Variants in P2RY14 observed in about 807,000 individuals in gnomAD.
P2RY14 encodes the protein purinergic receptor P2Y14.
Under a neutral mutation model 0.9 loss-of-function variants are expected in P2RY14, and 2 were observed. That is an observed-to-expected ratio of 2.16 (90% confidence interval 0.88 to 6.79). The LOEUF is 6.79. Among genes scored for constraint, P2RY14 ranks in the 30% most tolerant of loss-of-function variants. The probability of loss-of-function intolerance (pLI) is 0.05; values close to 1 mark genes in which losing one functional copy is unlikely to be tolerated. For synonymous variants in P2RY14, 158 were observed against 147.2 expected, an observed-to-expected ratio of 1.07 and a Z score of -0.53; for missense variants, 378 against 400.1, an observed-to-expected ratio of 0.94 and a Z score of 0.47.
intron 1 of P2RY14, among the ~76,000 whole-genome samples, chr3:151,266,796 A>G (rs1248797725): frequency 6.6e-6 from 1 of 152,208 alleles, no homozygotes; most frequent in Non-Finnish European, 1.5e-5. Context: ...CTAAGGTCAG[A>G]GCAAAAAAGT....
At chr3:151,231,141 G>A (rs1192093302) in intron 1 of P2RY14, among the ~76,000 whole-genome samples, 4 of 152,162 alleles carry the variant, frequency 2.6e-5, no homozygotes, top group East Asian at 1.9e-4. Context: ...GATATTAAAA[G>A]TACAGATTAC....
chr3:151,213,240 G>T lies in P2RY14; in HGVS notation c.*60C>A. The T allele has an allele frequency of 1.6e-6, 2 of 1,275,672 alleles. No individual in the cohort carries two copies. Among genetic ancestry groups the T allele is most frequent in the Non-Finnish European group, 2.2e-6 (2 of 913,218 alleles). 79.0% of individuals were successfully genotyped at this position (1,275,672 alleles called of 1,614,324 possible). ...GAGGGCACATATCTTATTGATTTCT[G>T]TTATGTAATTGAAGATGACAACATG... is the stretch of plus-strand genomic sequence containing the variant. On this transcript the variant is annotated 3_prime_UTR_variant, in exon 3 of 3. Transcript: ENST00000309170.
At chr3:151,242,275 G>C (rs1201390054) in intron 1 of P2RY14, among the ~76,000 whole-genome samples, 1 of 152,368 alleles carries the variant, frequency 6.6e-6, no homozygotes, top group South Asian at 2.1e-4. Context: ...GCCCACCACA[G>C]CTCAAGGAGG....
intron 1 of P2RY14, among the ~76,000 whole-genome samples, chr3:151,244,742 G>A (rs1035845157): frequency 4.6e-5 from 7 of 151,826 alleles, no homozygotes; most frequent in South Asian, 2.1e-4. Flanking sequence ...TCAAAAGCTA[G>A]CAGAAGGCAA....
intron 1 of P2RY14, among the ~76,000 whole-genome samples, chr3:151,250,583 A>G (rs1011409510): frequency 1.1e-4 from 17 of 152,306 alleles, no homozygotes; most frequent in African/African-American, 4.1e-4. Context: ...AGGTTCATGC[A>G]TTTTGTAGCA....
chr3:151,237,021 T>G (rs1178275476), intron 1 of P2RY14, among the ~76,000 whole-genome samples: 1 of 151,718 alleles, frequency 6.6e-6, no homozygotes, highest in Admixed American at 6.6e-5. Flanking sequence ...GCATGAATGT[T>G]AAACTTCAGG....
At chr3:151,226,391 A>G (rs1258957404) in intron 1 of P2RY14, among the ~76,000 whole-genome samples, 1 of 152,234 alleles carries the variant, frequency 6.6e-6, no homozygotes, top group Non-Finnish European at 1.5e-5. Context: ...GTAAACGTTT[A>G]CGTTACAAAT....
chr3:151,256,557 T>C (rs1737844536), intron 1 of P2RY14, among the ~76,000 whole-genome samples: 1 of 152,200 alleles, frequency 6.6e-6, no homozygotes, highest in African/African-American at 2.4e-5. Context: ...TGCTATTTTT[T>C]TCCTAATGTA....
At chr3:151,236,584 C>T (rs1454680898) in intron 1 of P2RY14, among the ~76,000 whole-genome samples, 1 of 152,162 alleles carries the variant, frequency 6.6e-6, no homozygotes, top group Non-Finnish European at 1.5e-5. Flanking sequence ...TCTCTGGATA[C>T]TTTTATTCCA....
At chr3:151,218,532 T>C (rs1331617123) in intron 2 of P2RY14, among the ~76,000 whole-genome samples, 1 of 152,182 alleles carries the variant, frequency 6.6e-6, no homozygotes, top group Non-Finnish European at 1.5e-5. Context: ...ATTCTAGAGA[T>C]CACATTTAAG....
intron 1 of P2RY14, among the ~76,000 whole-genome samples, chr3:151,242,943 C>A (rs1284795844): frequency 6.6e-6 from 1 of 151,264 alleles, no homozygotes; most frequent in Non-Finnish European, 1.5e-5. Context: ...AGCTGAAAAC[C>A]AAGGCTCGAG....
chr3:151,270,196 C>CGTGT (rs55920434), intron 1 of P2RY14: 15,694 of 129,536 alleles, frequency 0.12, 1,199 homozygotes, highest in Non-Finnish European at 0.13. Flanking sequence ...AGCAAGCTGT[C>CGTGT]GTGTGTGTGT....
intron 1 of P2RY14, chr3:151,270,196 C>CGCGT (rs1740638332): frequency 7.7e-6 from 1 of 129,646 alleles, no homozygotes; most frequent in Non-Finnish European, 1.5e-5. Flanking sequence ...AGCAAGCTGT[C>CGCGT]GTGTGTGTGT....
intron 1 of P2RY14, among the ~76,000 whole-genome samples, chr3:151,226,905 T>C (rs999816093): frequency 2.6e-5 from 4 of 152,214 alleles, no homozygotes; most frequent in Non-Finnish European, 5.9e-5. Flanking sequence ...CGTTAACCTA[T>C]AAATGGTGGA....
rs1207165608 is a variant in P2RY14 at position 151,213,601 on chromosome 3, A to C, written c.716T>G (p.Val239Gly). 1 of 1,614,160 alleles carries C rather than the reference A, an allele frequency of 6.2e-7. No homozygotes were observed. The highest frequency in any genetic ancestry group is 8.5e-7 in the Non-Finnish European group (1 of 1,180,016). The change falls in exon 3 of 3, where the codon GTG (valine) becomes GGG (glycine). Residue 239 changes from valine to glycine, a missense_variant. By Grantham distance (109) the Val-to-Gly change is moderately radical. Transcript: ENST00000309170. ...KKSSRNIFSI[V>G]FVFFVCFVPY... Reference sequence around the variant, plus strand: ...TACAAAACAGACAAAAAACACAAACACGATGCTGAATATGTTGCGGCTAGA... The same window carrying C: ...TACAAAACAGACAAAAAACACAAACCCGATGCTGAATATGTTGCGGCTAGA...
In P2RY14 at chr3:151,232,308, A is replaced by C. The variant is rs537008400; in HGVS notation, c.-132-12666T>G. On this transcript the variant is annotated intron_variant, in intron 1 of 2. Coordinates refer to ENST00000309170, the MANE Select transcript of P2RY14 (RefSeq NM_014879.4). ...GGTTGAACTCATTTACCCTCCCACC[A>C]ATGTGTGGAAGTGTTCTCTTTTCTC... is the stretch of plus-strand genomic sequence containing the variant. Among the ~76,000 whole-genome samples, 138 of 152,294 alleles carry C rather than the reference A, an allele frequency of 9.1e-4. 1 individual carries two copies. The highest frequency in any genetic ancestry group is 1.6e-3 in the Non-Finnish European group (109 of 68,018).
At chr3:151,249,486 G>A (rs529096040) in intron 1 of P2RY14, among the ~76,000 whole-genome samples, 28 of 152,210 alleles carry the variant, frequency 1.8e-4, no homozygotes, top group Admixed American at 1.4e-3. Flanking sequence ...CTTGATTGGT[G>A]CAGGGCAAGA....
chr3:151,214,213 G>T lies in P2RY14; in HGVS notation c.104C>A (p.Ala35Glu), dbSNP rs554481832. The change falls in exon 3 of 3, where the codon GCA becomes GAA. Residue 35 changes from alanine (A) to glutamate (E), a missense_variant. Coordinates refer to ENST00000309170, the MANE Select transcript of P2RY14 (RefSeq NM_014879.4). ...IPVLYCMVFIAGILLNGVSGW... is the reference protein window; with the variant it reads ...IPVLYCMVFIEGILLNGVSGW... Reference sequence around the variant, plus strand: ...TGACACTCCATTGAGTAGGATTCCTGCAATGAAGACCATACAGTACAGCAC... The same window carrying T: ...TGACACTCCATTGAGTAGGATTCCTTCAATGAAGACCATACAGTACAGCAC... 1 of 1,613,762 alleles carries T rather than the reference G, an allele frequency of 6.2e-7. No homozygotes were observed. The highest frequency in any genetic ancestry group is 1.3e-5 in the African/African-American group (1 of 75,018).
At chr3:151,244,413 C>T (rs1263690951) in intron 1 of P2RY14, among the ~76,000 whole-genome samples, 2 of 136,712 alleles carry the variant, frequency 1.5e-5, no homozygotes, top group Non-Finnish European at 3.2e-5. Flanking sequence ...TTATAACAAA[C>T]TATCTCTCAG....
Sources: gnomAD v4.1 joint callset for allele counts (sites outside exome capture counted in the v4.1 genomes callset) on GRCh38, gnomAD v4.1.1 for gene constraint, MANE v1.5 for transcripts, NCBI Gene and HGNC (gene_info 2026-07-23, HGNC 2026-07-21) for gene names.